Variants in ZNF804B observed in about 807,000 individuals in gnomAD.
The protein encoded by ZNF804B is zinc finger protein 804B, also known as zinc finger 804B.
ZNF804B carries 80 observed loss-of-function variants against 101.4 expected under a neutral mutation model. That is an observed-to-expected ratio of 0.79 (90% CI 0.66 to 0.95). ZNF804B has a LOEUF of 0.95. Ranked by LOEUF, ZNF804B falls within the 40% of genes least tolerant of loss-of-function variation. ZNF804B has a pLI of 0.00. For synonymous variants in ZNF804B, 622 were observed against 558.8 expected (o/e 1.11, Z -1.59); for missense variants, 1,673 against 1,561.9 (o/e 1.07, Z -1.20).
At chr7:89,180,223 G>A (rs940029624) in intron 1 of ZNF804B, among the ~76,000 whole-genome samples, 1 of 152,134 alleles carries the variant, frequency 6.6e-6, no homozygotes, top group Admixed American at 6.5e-5. Flanking sequence ...CCAGGGTTGT[G>A]TCTTTCTCTG....
intron 1 of ZNF804B, among the ~76,000 whole-genome samples, chr7:89,122,051 G>T (rs1285267056): frequency 6.6e-6 from 1 of 151,286 alleles, no homozygotes; most frequent in Non-Finnish European, 1.5e-5. Context: ...TATGCTATAT[G>T]TTAAATTATG....
chr7:89,234,823 A>T (rs2115748192), intron 2 of ZNF804B, among the ~76,000 whole-genome samples: 1 of 152,154 alleles, frequency 6.6e-6, no homozygotes, highest in Non-Finnish European at 1.5e-5. Flanking sequence ...TGGGAGATGC[A>T]CTGTTGTCTT....
chr7:89,332,930 A>C (rs752959020), intron 3 of ZNF804B, among the ~76,000 whole-genome samples: 27 of 151,964 alleles, frequency 1.8e-4, no homozygotes, highest in Non-Finnish European at 1.0e-4. Flanking sequence ...TGTTAGAAAT[A>C]GCACATAAAA....
At chr7:88,854,539 C>CTTTCCT (rs377000803) in intron 1 of ZNF804B, among the ~76,000 whole-genome samples, 2 of 73,632 alleles carry the variant, frequency 2.7e-5, no homozygotes, top group African/African-American at 1.5e-4. Context: ...TCCTTCCTTC[C>CTTTCCT]TTCCTTCCTT....
intron 1 of ZNF804B, among the ~76,000 whole-genome samples, chr7:88,937,812 G>A (rs1019149505): frequency 2.0e-5 from 3 of 151,972 alleles, no homozygotes; most frequent in Non-Finnish European, 4.4e-5. Context: ...CCCTACCCAA[G>A]TTTAACTGCA....
intron 1 of ZNF804B, among the ~76,000 whole-genome samples, chr7:88,963,798 A>G (rs146835083): frequency 5.3e-5 from 8 of 151,556 alleles, no homozygotes; most frequent in Admixed American, 2.0e-4. Context: ...GAGTAACAAT[A>G]TATCAAGGAC....
At chr7:88,889,204 G>A (rs1367138665) in intron 1 of ZNF804B, among the ~76,000 whole-genome samples, 2 of 152,030 alleles carry the variant, frequency 1.3e-5, no homozygotes, top group South Asian at 2.1e-4. Flanking sequence ...GATGGGCACC[G>A]AGGTTGATTC....
chr7:89,022,116 G>C (rs547641245), intron 1 of ZNF804B, among the ~76,000 whole-genome samples: 2 of 152,072 alleles, frequency 1.3e-5, no homozygotes, highest in Non-Finnish European at 2.9e-5. Flanking sequence ...TAGGAGACAG[G>C]ATAGTAGAGG....
chr7:89,284,383 T>A (rs192936033), intron 2 of ZNF804B, among the ~76,000 whole-genome samples: 73 of 152,340 alleles, frequency 4.8e-4, no homozygotes, highest in Non-Finnish European at 8.5e-4. Context: ...CCATATGAAG[T>A]AGCACTAGTG....
At chr7:89,113,986 G>C (rs1470893340) in intron 1 of ZNF804B, among the ~76,000 whole-genome samples, 1 of 151,792 alleles carries the variant, frequency 6.6e-6, no homozygotes, top group Admixed American at 6.6e-5. Context: ...TCCAGGGATA[G>C]GTGCAAGAAT....
chr7:89,120,601 T>G (rs1008601944), intron 1 of ZNF804B, among the ~76,000 whole-genome samples: 14 of 131,920 alleles, frequency 1.1e-4, no homozygotes, highest in African/African-American at 4.2e-4. Flanking sequence ...GAGCTTGCAG[T>G]GAGTGGAGAT....
intron 1 of ZNF804B, among the ~76,000 whole-genome samples, chr7:89,000,496 A>G (rs1287392618): frequency 6.6e-6 from 1 of 151,992 alleles, no homozygotes; most frequent in East Asian, 1.9e-4. Flanking sequence ...TAAGGTATAC[A>G]AGGTGATGAT....
At chr7:88,813,121 CATAAATCTTATAT>C (rs1790815971) in intron 1 of ZNF804B, among the ~76,000 whole-genome samples, 1 of 151,760 alleles carries the variant, frequency 6.6e-6, no homozygotes, top group Non-Finnish European at 1.5e-5. Context: ...AATAGTTTCC[CATAAATCTTATAT>C]AGAGTTTTAA....
chr7:89,293,196 G>C (rs2115901912), intron 2 of ZNF804B, among the ~76,000 whole-genome samples: 1 of 151,756 alleles, frequency 6.6e-6, no homozygotes, highest in South Asian at 2.1e-4. Flanking sequence ...TAGCCAACAT[G>C]TTTAATTATA....
intron 1 of ZNF804B, among the ~76,000 whole-genome samples, chr7:88,842,586 G>A (rs1791305024): frequency 6.6e-6 from 1 of 152,160 alleles, no homozygotes; most frequent in African/African-American, 2.4e-5. Context: ...AAGGAAGGTT[G>A]CCACCTGATC....
chr7:89,131,502 C>T (rs1423461547), intron 1 of ZNF804B, among the ~76,000 whole-genome samples: 2 of 151,852 alleles, frequency 1.3e-5, no homozygotes, highest in African/African-American at 4.8e-5. Flanking sequence ...AGATAGACCC[C>T]ATAACTGGCT....
intron 1 of ZNF804B, among the ~76,000 whole-genome samples, chr7:88,810,093 C>T (rs374929511): frequency 3.3e-5 from 5 of 152,130 alleles, no homozygotes; most frequent in Middle Eastern, 6.8e-3. Flanking sequence ...ACCAATGTTC[C>T]GTGATGCTCC....
rs184724016 is a variant in ZNF804B at position 88,979,510 on chromosome 7, G to T, written c.108+219426G>T. 1.5e-4 allele frequency among the ~76,000 whole-genome samples: 22 copies of T among 151,662 alleles called. No individual in the cohort carries two copies. In the East Asian group the frequency reaches 3.9e-3, roughly 27 times the overall value. On this transcript the variant is annotated intron_variant, in intron 1 of 3. Coordinates refer to ENST00000333190, the MANE Select transcript of ZNF804B (RefSeq NM_181646.5). Reference sequence around the variant, plus strand: ...TAAACATGTTATGCTACTCTCTCCTGGCCTGTAAGACTTCCACAGAAAAGC... The same window carrying T: ...TAAACATGTTATGCTACTCTCTCCTTGCCTGTAAGACTTCCACAGAAAAGC...
intron 1 of ZNF804B, among the ~76,000 whole-genome samples, chr7:89,021,224 C>A (rs1788662021): frequency 1.3e-5 from 2 of 152,120 alleles, no homozygotes; most frequent in South Asian, 4.2e-4. Context: ...TCTTCAGCAG[C>A]AATCCATTTT....
Sources: allele counts gnomAD v4.1 joint callset (sites outside exome capture counted in the v4.1 genomes callset), GRCh38; gene constraint gnomAD v4.1.1; transcripts MANE v1.5; gene names NCBI Gene and HGNC (gene_info 2026-07-23, HGNC 2026-07-21).